The following LPP variants were observed in gnomAD, a reference collection of about 807,000 sequenced individuals.
The protein encoded by LPP is LIM domain containing preferred translocation partner in lipoma, also known as lipoma-preferred partner.
LPP carries 38 observed loss-of-function variants against 60.4 expected under a neutral mutation model. The observed-to-expected ratio is 0.63, with a 90% CI of 0.49 to 0.83. The LOEUF (loss-of-function observed/expected upper bound fraction) is 0.83. Ranked by LOEUF, LPP falls within the 40% of genes least tolerant of loss-of-function variation. LPP has a pLI of 0.00. For synonymous variants in LPP, 328 were observed against 290.8 expected, an observed-to-expected ratio of 1.13 and a Z score of -1.30; for missense variants, 902 against 783.6, an observed-to-expected ratio of 1.15 and a Z score of -1.80.
At chr3:188,172,764 A>G (rs545521489) in intron 1 of LPP, among the ~76,000 whole-genome samples, 66 of 152,352 alleles carry the variant, frequency 4.3e-4, no homozygotes, top group African/African-American at 1.5e-3. Context: ...CAAACTATTT[A>G]GATTTCACCA....
chr3:188,427,750 A>G (rs373175683), intron 4 of LPP, among the ~76,000 whole-genome samples: 6 of 151,996 alleles, frequency 3.9e-5, no homozygotes, highest in South Asian at 2.1e-4. Context: ...GTAATGGTGG[A>G]CGCCCCTCCC....
chr3:188,456,807 G>T (rs140808054), intron 4 of LPP, among the ~76,000 whole-genome samples: 138 of 152,300 alleles, frequency 9.1e-4, no homozygotes, highest in East Asian at 8.9e-3. Flanking sequence ...AAATAAATGC[G>T]TGGAGTGACA....
intron 8 of LPP, among the ~76,000 whole-genome samples, chr3:188,749,288 G>A (rs1284445469): frequency 6.6e-6 from 1 of 152,152 alleles, no homozygotes; most frequent in Non-Finnish European, 1.5e-5. Flanking sequence ...TACACTGAGA[G>A]CCCAAAGGCT....
At chr3:188,619,557 A>G (rs1845449339) in intron 7 of LPP, among the ~76,000 whole-genome samples, 1 of 152,196 alleles carries the variant, frequency 6.6e-6, no homozygotes, top group Non-Finnish European at 1.5e-5. Context: ...GTTTGCTTGA[A>G]ATACAGCCAT....
At chr3:188,288,042 A>G (rs1744562829) in intron 2 of LPP, among the ~76,000 whole-genome samples, 1 of 152,240 alleles carries the variant, frequency 6.6e-6, no homozygotes, top group Non-Finnish European at 1.5e-5. Flanking sequence ...ATTTGTTATC[A>G]AAAGCTTTTA....
chr3:188,681,894 A>T (rs1373338763), intron 7 of LPP, among the ~76,000 whole-genome samples: 1 of 152,202 alleles, frequency 6.6e-6, no homozygotes, highest in East Asian at 1.9e-4. Flanking sequence ...CAGCCCCAAC[A>T]CTGACAAATC....
intron 2 of LPP, among the ~76,000 whole-genome samples, chr3:188,242,583 A>G (rs59893182): frequency 0.017 from 2,579 of 152,238 alleles, 67 homozygotes; most frequent in African/African-American, 0.056. Flanking sequence ...TACCCTCACC[A>G]CTTACAGTCA....
intron 2 of LPP, chr3:188,247,355 GT>G: frequency 6.3e-6 from 1 of 158,752 alleles, no homozygotes; most frequent in Non-Finnish European, 1.3e-5. Flanking sequence ...TTAAGAAATA[GT>G]TTTATACACT....
chr3:188,377,400 C>T (rs930363382), intron 3 of LPP, among the ~76,000 whole-genome samples: 1 of 152,150 alleles, frequency 6.6e-6, no homozygotes, highest in Non-Finnish European at 1.5e-5. Context: ...AGGCTTTGTT[C>T]ATTTCTTTTT....
intron 6 of LPP, among the ~76,000 whole-genome samples, chr3:188,552,286 G>A (rs1001800201): frequency 2.0e-5 from 3 of 152,152 alleles, no homozygotes; most frequent in African/African-American, 7.2e-5. Context: ...AAAATCTAGT[G>A]TGTGCTGGGG....
chr3:188,780,435 A>G (rs540694484), intron 9 of LPP, among the ~76,000 whole-genome samples: 2 of 152,006 alleles, frequency 1.3e-5, no homozygotes, highest in South Asian at 4.1e-4. Context: ...GAGGAGGCAC[A>G]GTTTGTATCC....
intron 9 of LPP, among the ~76,000 whole-genome samples, chr3:188,782,634 G>A (rs1483548484): frequency 2.6e-5 from 4 of 151,742 alleles, no homozygotes; most frequent in Non-Finnish European, 5.9e-5. Context: ...GATCATGAAT[G>A]CAGTTCCTAG....
At chr3:188,497,576 C>G (rs1810613341) in intron 5 of LPP, among the ~76,000 whole-genome samples, 1 of 152,120 alleles carries the variant, frequency 6.6e-6, no homozygotes, top group East Asian at 1.9e-4. Context: ...CAAGCCATCA[C>G]TTTCTAAAAT....
At chr3:188,378,767 A>T (rs1484619485) in intron 3 of LPP, among the ~76,000 whole-genome samples, 1 of 152,126 alleles carries the variant, frequency 6.6e-6, no homozygotes, top group Non-Finnish European at 1.5e-5. Flanking sequence ...CCGGTACCTC[A>T]GTTGGAAATG....
At chr3:188,183,005 C>CT (rs1725570307) in intron 1 of LPP, among the ~76,000 whole-genome samples, 1 of 118,062 alleles carries the variant, frequency 8.5e-6, no homozygotes, top group African/African-American at 2.9e-5. Context: ...AAAGGTGAGG[C>CT]CCAAAGAGGT....
chr3:188,214,674 C>T (rs1457019694), intron 1 of LPP, among the ~76,000 whole-genome samples: 2 of 152,186 alleles, frequency 1.3e-5, no homozygotes, highest in African/African-American at 4.8e-5. Flanking sequence ...AATCTGTCTC[C>T]TTCTGTGACC....
chr3:188,406,722 T>A (rs545930612), intron 4 of LPP, among the ~76,000 whole-genome samples: 20 of 152,336 alleles, frequency 1.3e-4, no homozygotes, highest in African/African-American at 4.8e-4. Flanking sequence ...CAGAAACTTA[T>A]ACAAAGTGAA....
In LPP at chr3:188,609,125, GCTTT is replaced by G. The variant is rs770236876; in HGVS notation, c.430-23_430-20del. On this transcript the variant is annotated intron_variant, in intron 6 of 11. Coordinates refer to ENST00000617246, the MANE Select transcript of LPP (RefSeq NM_001375462.1). This position sits in a 1 kb window ranked among gnomAD's most constrained non-coding sequence, Gnocchi z 6.9. ...TTGAGTTTCGTTGGCAGTAATTTTTGCTTTCTTTCTTTCTTTTTTTTCCTATTCT... is the reference window on the plus strand; with the variant it reads ...TTGAGTTTCGTTGGCAGTAATTTTTGCTTTCTTTCTTTTTTTTCCTATTCT... The G allele has an allele frequency of 3.3e-5, 47 of 1,430,436 alleles. No individual in the cohort carries two copies. The highest frequency in any genetic ancestry group is 2.4e-4 in the African/African-American group (17 of 69,464). 88.6% of individuals were successfully genotyped at this position (1,430,436 alleles called of 1,614,324 possible). A position where few individuals can be genotyped will look rare whatever the true frequency, so the allele number is the denominator to read the frequency against.
intron 2 of LPP, among the ~76,000 whole-genome samples, chr3:188,262,869 G>T (rs541787001): frequency 1.3e-5 from 2 of 151,936 alleles, no homozygotes; most frequent in Non-Finnish European, 2.9e-5. Context: ...TCGAACCCAG[G>T]TCTCCTGAAT....
Sources: allele counts gnomAD v4.1 joint callset (sites outside exome capture counted in the v4.1 genomes callset), GRCh38; gene constraint gnomAD v4.1.1; non-coding constraint Gnocchi (gnomAD v3.1); transcripts MANE v1.5; gene names NCBI Gene and HGNC (gene_info 2026-07-23, HGNC 2026-07-21).